The following SMCR8 variants were observed in gnomAD, a reference collection of about 807,000 sequenced individuals.
SMCR8 encodes SMCR8-C9orf72 complex subunit.
Under a neutral mutation model 56.6 loss-of-function variants are expected in SMCR8, and 30 were observed. The ratio of observed to expected loss-of-function variants is 0.53; its 90% confidence interval spans 0.40 to 0.72. The LOEUF is 0.72. Among genes scored for constraint, SMCR8 ranks in the 30% least tolerant of loss-of-function variants. SMCR8 has a pLI of 0.00. For synonymous variants in SMCR8, 538 were observed against 456.0 expected, an observed-to-expected ratio of 1.18 and a Z score of -2.29; for missense variants, 1,198 against 1,157.0, an observed-to-expected ratio of 1.04 and a Z score of -0.51.
Position 18,317,460 on chromosome 17 carries a change from C to A in SMCR8, c.1671C>A (p.Phe557Leu), listed in dbSNP as rs147308062. 3.9e-5 allele frequency: 63 copies of A among 1,614,000 alleles called. No homozygotes were observed. Among genetic ancestry groups the A allele is most frequent in the African/African-American group, 5.3e-5 (4 of 74,922 alleles). ...ATGGCAATGAAGGAGCCATCCGCTT[C>A]CAGGCAAGCATCAGTCCTCCAGAAC... Reference protein sequence around the residue: ...YPDGNEGAIRFQASISPPELG... With the variant: ...YPDGNEGAIRLQASISPPELG... Residue 557 changes from phenylalanine (F) to leucine (L), a missense_variant, in exon 1 of 2, where the codon TTC (phenylalanine) becomes TTA (leucine). Physicochemically the swap from Phe to Leu is conservative, Grantham distance 22. Transcript: ENST00000406438.
intron 1 of SMCR8, 146 bp downstream of exon 1, chr17:18,318,295 C>A: frequency 1.3e-6 from 1 of 780,364 alleles, no homozygotes. Context: ...ATCCCCCTCT[C>A]TGGTTTCTAT....
In SMCR8 at chr17:18,317,451, C is replaced by T. The variant is rs749427812; in HGVS notation, c.1662C>T (p.Ala554=). The T allele has an allele frequency of 3.1e-6, 5 of 1,614,072 alleles. No homozygotes were observed. Among genetic ancestry groups the T allele is most frequent in the Non-Finnish European group, 3.4e-6 (4 of 1,180,018 alleles). The change falls in exon 1 of 2, where the codon GCC becomes GCT. Residue 554 remains alanine (A), a synonymous_variant. Coordinates refer to ENST00000406438, the MANE Select transcript of SMCR8 (RefSeq NM_144775.3). The stretch of plus-strand genomic sequence containing the variant: ...CATATCCAGATGGCAATGAAGGAGC[C>T]ATCCGCTTCCAGGCAAGCATCAGTC... The part of the protein sequence containing the change: ...EESYPDGNEG[A]IRFQASISPP...
intron 1 of SMCR8, among the ~76,000 whole-genome samples, chr17:18,319,126 G>C (rs941539656): frequency 6.6e-6 from 1 of 152,232 alleles, no homozygotes; most frequent in Non-Finnish European, 1.5e-5. Flanking sequence ...TGAAACTGTT[G>C]TGGGCTGTGG....
chr17:18,327,750 T>C lies in SMCR8; in HGVS notation c.*4680T>C, dbSNP rs1483436046. 2.6e-5 allele frequency: 4 copies of C among 152,598 alleles called. No individual in the cohort carries two copies. Among genetic ancestry groups the C allele is most frequent in the Admixed American group, 1.3e-4 (2 of 15,278 alleles). The allele number at this position is 152,598 out of a possible 1,614,324, so 9.5% of individuals were successfully genotyped here. On this transcript the variant is annotated 3_prime_UTR_variant, in exon 2 of 2. Transcript: ENST00000406438. ...GTGAATGTGAGTCCCCGCCACCACG[T>C]GAGGTGCAGTCGTTGCAGCGGCTGG...
chr17:18,317,062 G>C lies in SMCR8; in HGVS notation c.1273G>C (p.Val425Leu). The change falls in exon 1 of 2, where the codon GTG becomes CTG. Residue 425 changes from valine (V) to leucine (L), a missense_variant. By Grantham distance (32) the Val-to-Leu change is conservative. Transcript: ENST00000406438. ...VGSYKSSVESVLIKMEQELGD... is the reference protein window; with the variant it reads ...VGSYKSSVESLLIKMEQELGD... ...TTCTTACAAGTCCAGTGTGGAGTCT[G>C]TGTTGATCAAGATGGAGCAGGAACT... The C allele has an allele frequency of 6.2e-7, 1 of 1,614,202 alleles. No individual in the cohort carries two copies. The highest frequency in any genetic ancestry group is 8.5e-7 in the Non-Finnish European group (1 of 1,180,044).
At chr17:18,319,299 G>T (rs994079682) in intron 1 of SMCR8, among the ~76,000 whole-genome samples, 1 of 152,204 alleles carries the variant, frequency 6.6e-6, no homozygotes, top group Non-Finnish European at 1.5e-5. Context: ...CACGTTTAGT[G>T]CATGTCCAAA....
At position 18,323,006 on chromosome 17, in the gene SMCR8, C is replaced by T; in HGVS notation, c.2750C>T (p.Ser917Phe). 6.2e-7 allele frequency: 1 copy of T among 1,614,204 alleles called. No individual in the cohort carries two copies. ...CTGAAGCTGCACTACATGCAGGAAT[C>T]TCCAGGGACCAGCCACCCCATGCTC... ...ELLKLHYMQESPGTSHPMLRF... is the reference protein window; with the variant it reads ...ELLKLHYMQEFPGTSHPMLRF... Residue 917 changes from serine (S) to phenylalanine (F), a missense_variant, in exon 2 of 2, where the codon TCT (serine) becomes TTT (phenylalanine). By Grantham distance (155) the Ser-to-Phe change is radical (BLOSUM62 -2). Coordinates refer to ENST00000406438, the MANE Select transcript of SMCR8 (RefSeq NM_144775.3).
intron 1 of SMCR8, among the ~76,000 whole-genome samples, chr17:18,319,562 A>C (rs916122907): frequency 7.9e-5 from 12 of 152,158 alleles, no homozygotes; most frequent in African/African-American, 2.7e-4. Flanking sequence ...ACTCTCTTTC[A>C]GGACTCTCAC....
At chr17:18,319,753 C>T (rs1982442413) in intron 1 of SMCR8, among the ~76,000 whole-genome samples, 1 of 152,096 alleles carries the variant, frequency 6.6e-6, no homozygotes, top group Non-Finnish European at 1.5e-5. Context: ...CAGAGTCTTG[C>T]TCTGTTGCCC....
Position 18,318,065 on chromosome 17 carries a change from G to A in SMCR8, c.2276G>A (p.Cys759Tyr), listed in dbSNP as rs367560780. Residue 759 changes from cysteine (C) to tyrosine (Y), a missense_variant, in exon 1 of 2, where the codon TGC (cysteine) becomes TAC (tyrosine). Cys to Tyr is a radical substitution (Grantham distance 194). Coordinates refer to ENST00000406438, the MANE Select transcript of SMCR8 (RefSeq NM_144775.3). The part of the protein sequence containing the change: ...ALAIFVPSYG[C>Y]YAKPVKHWAS... The stretch of plus-strand genomic sequence containing the variant: ...GCTATCTTTGTCCCCAGCTATGGCT[G>A]CTACGCTAAGCCCGTGAAACATTGG... 1 of 1,614,244 alleles carries A rather than the reference G, an allele frequency of 6.2e-7. No individual in the cohort carries two copies. Among genetic ancestry groups the A allele is most frequent in the Non-Finnish European group, 8.5e-7 (1 of 1,180,048 alleles).
chr17:18,318,122 A>C lies in SMCR8; in HGVS notation c.2333A>C (p.Gln778Pro), dbSNP rs1205671019. The change falls in exon 1 of 2, where the codon CAG (glutamine) becomes CCG (proline). Residue 778 changes from glutamine to proline, a missense_variant. Coordinates refer to ENST00000406438, the MANE Select transcript of SMCR8 (RefSeq NM_144775.3). The part of the protein sequence containing the change: ...ASSPLHIMDF[Q>P]KWKLIGLQRV... ...TCCCCTTTGCACATTATGGATTTTC[A>C]GAAGTGGAAGCTTATTGGCTTGCAG... 8.1e-6 allele frequency: 13 copies of C among 1,612,952 alleles called. No homozygotes were observed. The highest frequency in any genetic ancestry group is 1.1e-5 in the Non-Finnish European group (13 of 1,179,058).
At position 18,323,459 on chromosome 17, in the gene SMCR8, T is replaced by A. The variant is rs1420510368; in HGVS notation, c.*389T>A. 4.8e-6 allele frequency: 1 copy of A among 206,344 alleles called. No individual in the cohort carries two copies. The highest frequency in any genetic ancestry group is 1.0e-5 in the Non-Finnish European group (1 of 100,408). The allele number at this position is 206,344 out of a possible 1,614,324, so 12.8% of individuals were successfully genotyped here. ...GGCTGTATTCAGCATTGCCGGACACTTGAGTGGCAAAATGAACGAGGGTGA... is the reference window on the plus strand; with the variant it reads ...GGCTGTATTCAGCATTGCCGGACACATGAGTGGCAAAATGAACGAGGGTGA... On this transcript the variant is annotated 3_prime_UTR_variant, in exon 2 of 2. Coordinates refer to ENST00000406438, the MANE Select transcript of SMCR8 (RefSeq NM_144775.3).
In SMCR8 at chr17:18,317,374, A is replaced by G; in HGVS notation, c.1585A>G (p.Ile529Val). 6.2e-7 allele frequency: 1 copy of G among 1,614,124 alleles called. No homozygotes were observed. The highest frequency in any genetic ancestry group is 8.5e-7 in the Non-Finnish European group (1 of 1,180,016). Residue 529 changes from isoleucine to valine, a missense_variant, in exon 1 of 2, where the codon ATC (isoleucine) becomes GTC (valine). Ile to Val is a conservative substitution (Grantham distance 29). Coordinates refer to ENST00000406438, the MANE Select transcript of SMCR8 (RefSeq NM_144775.3). ...CAGTACCTGCCCCTCTGAGGCCCTCATCCCTGATGACTTTAAGGCCAGCTA... is the reference window on the plus strand; with the variant it reads ...CAGTACCTGCCCCTCTGAGGCCCTCGTCCCTGATGACTTTAAGGCCAGCTA... ...VLSTCPSEAL[I>V]PDDFKASYPS...
Position 18,317,810 on chromosome 17 carries a change from C to T in SMCR8, c.2021C>T (p.Thr674Ile), listed in dbSNP as rs1200312095. ...SKTSLDNYSD[T>I]TSYVSSVAST... ...ACCAGCCTGGACAACTACTCAGACACCACCAGCTACGTGAGCAGTGTAGCG... is the reference window on the plus strand; with the variant it reads ...ACCAGCCTGGACAACTACTCAGACATCACCAGCTACGTGAGCAGTGTAGCG... Residue 674 changes from threonine to isoleucine, a missense_variant, in exon 1 of 2, where the codon ACC becomes ATC. By Grantham distance (89) the Thr-to-Ile change is moderately conservative (BLOSUM62 -1). Transcript: ENST00000406438. 1.9e-6 allele frequency: 3 copies of T among 1,614,146 alleles called. No individual in the cohort carries two copies. The highest frequency in any genetic ancestry group is 1.1e-5 in the South Asian group (1 of 91,084).
chr17:18,318,014 T>C lies in SMCR8; in HGVS notation c.2225T>C (p.Ile742Thr). The change falls in exon 1 of 2, where the codon ATA (isoleucine) becomes ACA (threonine). Residue 742 changes from isoleucine (I) to threonine (T), a missense_variant. Transcript: ENST00000406438. The part of the protein sequence containing the change: ...TLVVLGEDEA[I>T]VRKLVTALAI... The stretch of plus-strand genomic sequence containing the variant: ...GTGGTCCTGGGGGAAGATGAGGCCA[T>C]AGTCAGGAAACTCGTGACTGCACTG... 2.5e-6 allele frequency: 4 copies of C among 1,614,230 alleles called. No individual in the cohort carries two copies. Among genetic ancestry groups the C allele is most frequent in the South Asian group, 2.2e-5 (2 of 91,086 alleles).
chr17:18,321,566 A>G (rs1357305383), intron 1 of SMCR8, among the ~76,000 whole-genome samples: 2 of 152,262 alleles, frequency 1.3e-5, no homozygotes, highest in Non-Finnish European at 2.9e-5. Context: ...ACTGGCCTGT[A>G]CAGTGGCTCA....
rs2151556231 is a variant in SMCR8, at chr17:18,325,183, A to G, written c.*2113A>G. 6.6e-6 allele frequency: 1 copy of G among 152,384 alleles called. No individual in the cohort carries two copies. Among genetic ancestry groups the G allele is most frequent in the South Asian group, 2.1e-4 (1 of 4,828 alleles). The allele number at this position is 152,384 out of a possible 1,614,324, so 9.4% of individuals were successfully genotyped here. On this transcript the variant is annotated 3_prime_UTR_variant, in exon 2 of 2. Transcript: ENST00000406438. ...GCATTCCTGTCACACCAACACAGAA[A>G]TTCACAGCTCATACTGTTCTCACCT...
chr17:18,322,051 G>A (rs1982514001), intron 1 of SMCR8, among the ~76,000 whole-genome samples: 1 of 152,154 alleles, frequency 6.6e-6, no homozygotes, highest in Admixed American at 6.5e-5. Flanking sequence ...TCGCTCTGTT[G>A]CCCAGGCTAG....
In SMCR8 at chr17:18,326,227, T is replaced by G. The variant is rs1471430511; in HGVS notation, c.*3157T>G. On this transcript the variant is annotated 3_prime_UTR_variant, in exon 2 of 2. Transcript: ENST00000406438. ...TTGAGGGCCCAGGTACTGAAACTGG[T>G]TGTCTTGAGTTTTGTGTCAGCTTTT... The G allele has an allele frequency of 6.6e-6, 1 of 152,198 alleles. No homozygotes were observed. Among genetic ancestry groups the G allele is most frequent in the Non-Finnish European group, 1.5e-5 (1 of 68,040 alleles). 9.4% of individuals were successfully genotyped at this position (152,198 alleles called of 1,614,324 possible).
Sources: allele counts gnomAD v4.1 joint callset (sites outside exome capture counted in the v4.1 genomes callset), GRCh38; gene constraint gnomAD v4.1.1; transcripts MANE v1.5; gene names NCBI Gene and HGNC (gene_info 2026-07-23, HGNC 2026-07-21).